APPL1: variants seen among roughly 807,000 people sequenced by gnomAD.
APPL1 encodes the protein DCC-interacting protein 13-alpha.
APPL1 carries 42 observed loss-of-function variants against 106.8 expected under a neutral mutation model. The observed-to-expected ratio is 0.39, with a 90% confidence interval of 0.31 to 0.51. The LOEUF is 0.51. Ranked by LOEUF, APPL1 falls within the 20% of genes least tolerant of loss-of-function variation. APPL1 has a pLI of 0.75. For synonymous variants in APPL1, 263 were observed against 281.8 expected (o/e 0.93, Z 0.67); for missense variants, 769 against 858.2 (o/e 0.90, Z 1.30).
At chr3:57,235,120 G>T (rs1418911610) in intron 1 of APPL1, among the ~76,000 whole-genome samples, 2 of 152,202 alleles carry the variant, frequency 1.3e-5, no homozygotes. Flanking sequence ...CCATGTTGGG[G>T]AGGGTGTACT....
At position 57,273,138 on chromosome 3, in the gene APPL1, T is replaced by G. The variant is rs936903626; in HGVS notation, c.*3451T>G. On this transcript the variant is annotated 3_prime_UTR_variant, in exon 22 of 22. Transcript: ENST00000288266. ...GCTTCACTCATGAAATTTACTTCAG[T>G]TAATATGAGACTGGGGGTTAAGTTG... The G allele has an allele frequency of 1.6e-4, 24 of 152,654 alleles. No individual in the cohort carries two copies. Among genetic ancestry groups the G allele is most frequent in the African/African-American group, 4.8e-4 (20 of 41,468 alleles). 9.5% of individuals were successfully genotyped at this position (152,654 alleles called of 1,614,324 possible).
intron 14 of APPL1, 97 bp downstream of exon 14, chr3:57,257,148 T>C: frequency 1.3e-6 from 2 of 1,558,372 alleles, no homozygotes; most frequent in Non-Finnish European, 1.8e-6. Context: ...AGACTTCTCA[T>C]TGACTTATAA....
intron 4 of APPL1, among the ~76,000 whole-genome samples, chr3:57,239,685 A>G (rs1014231049): frequency 6.6e-6 from 1 of 152,200 alleles, no homozygotes; most frequent in Non-Finnish European, 1.5e-5. Context: ...GTAGGTACCC[A>G]GAAATGGGAT....
chr3:57,273,311 T>C lies in APPL1; in HGVS notation c.*3624T>C, dbSNP rs2060959477. On this transcript the variant is annotated 3_prime_UTR_variant, in exon 22 of 22. Transcript: ENST00000288266. ...TAGAATTGGATTTGAAGAACTCGAC[T>C]TTATGTGATCATGGTATTGGTATAC... The C allele has an allele frequency of 6.6e-6, 1 of 152,662 alleles. No homozygotes were observed. The highest frequency in any genetic ancestry group is 2.4e-5 in the African/African-American group (1 of 41,460). The allele number at this position is 152,662 out of a possible 1,614,324, so 9.5% of individuals were successfully genotyped here. A position where few individuals can be genotyped will look rare whatever the true frequency, so the allele number is the denominator to read the frequency against.
Position 57,246,073 on chromosome 3 carries a change from A to T in APPL1, c.475-3A>T. The T allele has an allele frequency of 7.7e-6, 12 of 1,561,600 alleles. No homozygotes were observed. The highest frequency in any genetic ancestry group is 9.5e-6 in the Non-Finnish European group (11 of 1,159,034). On this transcript the variant is annotated splice_polypyrimidine_tract_variant and splice_region_variant and intron_variant, in intron 7 of 21. Transcript: ENST00000288266. ...TTAATTATTTAAATCTTTTCATTCA[A>T]AGGTGAAGTATGAAGTAACAGAAGA...
chr3:57,266,872 T>C (rs766602271), intron 19 of APPL1, among the ~76,000 whole-genome samples: 2 of 152,212 alleles, frequency 1.3e-5, no homozygotes, highest in Non-Finnish European at 2.9e-5. Flanking sequence ...TGAAAGTTCT[T>C]TGTCACTTTT....
Position 57,272,515 on chromosome 3 carries a change from C to G in APPL1, c.*2828C>G, listed in dbSNP as rs559772133. 1.3e-5 allele frequency: 2 copies of G among 152,056 alleles called. No homozygotes were observed. The highest frequency in any genetic ancestry group is 2.1e-4 in the South Asian group (1 of 4,814). 9.4% of individuals were successfully genotyped at this position (152,056 alleles called of 1,614,324 possible). On this transcript the variant is annotated 3_prime_UTR_variant, in exon 22 of 22. Transcript: ENST00000288266. Reference sequence around the variant, plus strand: ...TTAATTTTGCATTATATCTAGGAACCATATTATTTAAAATTTGAATCCTAT... The same window carrying G: ...TTAATTTTGCATTATATCTAGGAACGATATTATTTAAAATTTGAATCCTAT...
At chr3:57,259,588 G>A (rs2060854679) in intron 16 of APPL1, among the ~76,000 whole-genome samples, 1 of 151,996 alleles carries the variant, frequency 6.6e-6, no homozygotes, top group African/African-American at 2.4e-5. Flanking sequence ...GAACCACCAC[G>A]CCTGGCCTCA....
chr3:57,268,671 A>G (rs563520492), intron 21 of APPL1, 184 bp downstream of exon 21: 1 of 481,148 alleles, frequency 2.1e-6, no homozygotes, highest in East Asian at 3.6e-5. Flanking sequence ...TGTTTACATT[A>G]TAGTTACGTT....
chr3:57,243,750 A>T (rs2060758408), intron 7 of APPL1, among the ~76,000 whole-genome samples: 1 of 152,238 alleles, frequency 6.6e-6, no homozygotes, highest in South Asian at 2.1e-4. Context: ...GATCTCTATT[A>T]GTCACTTGGC....
At position 57,228,119 on chromosome 3, in the gene APPL1, G is replaced by C. The variant is rs1284825709; in HGVS notation, c.54+182G>C. Among the ~76,000 whole-genome samples, 3 of 151,912 alleles carry C rather than the reference G, an allele frequency of 2.0e-5. No homozygotes were observed. The highest frequency in any genetic ancestry group is 4.4e-5 in the Non-Finnish European group (3 of 67,942). On this transcript the variant is annotated intron_variant, in intron 1 of 21. Coordinates refer to ENST00000288266, the MANE Select transcript of APPL1 (RefSeq NM_012096.3). This position sits in a 1 kb window ranked among gnomAD's most constrained non-coding sequence, Gnocchi z 4.6. ...AGGCTGGGCCCGCCGCCCAAGGCCC[G>C]CGTGGGCCTGCTCGGCTGGGCCGAG...
intron 1 of APPL1, 22 bp downstream of exon 1, chr3:57,227,959 G>A (rs2060661456): frequency 7.0e-7 from 1 of 1,423,332 alleles, no homozygotes; most frequent in Non-Finnish European, 9.3e-7. Flanking sequence ...GAGCTGGTGG[G>A]CGACGAGGGA....
At position 57,238,032 on chromosome 3, in the gene APPL1, TCTTG is replaced by T; in HGVS notation, c.214-9_214-6del. 1.2e-6 allele frequency: 2 copies of T among 1,603,102 alleles called. No individual in the cohort carries two copies. Among genetic ancestry groups the T allele is most frequent in the Non-Finnish European group, 8.5e-7 (1 of 1,173,850 alleles). On this transcript the variant is annotated splice_polypyrimidine_tract_variant and intron_variant, in intron 3 of 21. Coordinates refer to ENST00000288266, the MANE Select transcript of APPL1 (RefSeq NM_012096.3). ...GCATTGAAACTTTACCTCATCTGTT[TCTTG>T]CTTTTCAGCGTTTTCCATTGGGAGG...
chr3:57,256,112 G>C (rs1012523466), intron 13 of APPL1, among the ~76,000 whole-genome samples: 4 of 152,244 alleles, frequency 2.6e-5, no homozygotes, highest in Non-Finnish European at 5.9e-5. Flanking sequence ...AGGAGGCTGA[G>C]GGGGGAGGAT....
chr3:57,248,595 C>T (rs2060787228), intron 10 of APPL1, among the ~76,000 whole-genome samples: 1 of 152,174 alleles, frequency 6.6e-6, no homozygotes, highest in African/African-American at 2.4e-5. Context: ...CAGGGCTGGG[C>T]ATGGTGGCTC....
chr3:57,237,947 G>A (rs2060724851), intron 3 of APPL1, 98 bp from the exon 4 acceptor site: 1 of 891,302 alleles, frequency 1.1e-6, no homozygotes, highest in Admixed American at 2.7e-5. Context: ...CAAAATTTTG[G>A]AAGTTTTCTG....
chr3:57,230,459 A>G (rs1205800189), intron 1 of APPL1, among the ~76,000 whole-genome samples: 1 of 151,914 alleles, frequency 6.6e-6, no homozygotes, highest in South Asian at 2.1e-4. Flanking sequence ...TTTCTTCTAC[A>G]TGTTTTAATG....
chr3:57,260,293 C>G, intron 18 of APPL1, 140 bp downstream of exon 18: 1 of 842,388 alleles, frequency 1.2e-6, no homozygotes. Context: ...GTAGTTAAGT[C>G]TATGGCCATC....
At chr3:57,243,891 T>C (rs1057421322) in intron 7 of APPL1, among the ~76,000 whole-genome samples, 3 of 152,124 alleles carry the variant, frequency 2.0e-5, no homozygotes, top group Admixed American at 1.3e-4. Flanking sequence ...GAGCACCTAA[T>C]ATACGTCAAG....
Sources: allele counts gnomAD v4.1 joint callset (sites outside exome capture counted in the v4.1 genomes callset), GRCh38; gene constraint gnomAD v4.1.1; non-coding constraint Gnocchi (gnomAD v3.1); transcripts MANE v1.5; gene names NCBI Gene and HGNC (gene_info 2026-07-23, HGNC 2026-07-21).